CDH4: variants seen among roughly 807,000 people sequenced by gnomAD.
CDH4 encodes the protein cadherin 4, also known as cadherin-4.
In CDH4, 33 loss-of-function variants were observed where a neutral mutation model predicts 86.0. That is an observed-to-expected ratio of 0.38 (90% CI 0.29 to 0.51). CDH4 has a LOEUF of 0.51. CDH4 is among the 20% of genes least tolerant of loss of function. The pLI, the probability that CDH4 is intolerant of heterozygous loss-of-function variation, is 0.86. For synonymous variants in CDH4, 555 were observed against 549.4 expected (o/e 1.01, Z -0.14); for missense variants, 1,114 against 1,307.4 (o/e 0.85, Z 2.28).
At chr20:61,870,405 CGA>C (rs1347909716) in intron 6 of CDH4, among the ~76,000 whole-genome samples, 1 of 152,188 alleles carries the variant, frequency 6.6e-6, no homozygotes, top group Non-Finnish European at 1.5e-5. Context: ...CCATCCAGCC[CGA>C]GAGACCGTCA....
chr20:61,689,848 G>GA (rs34314499), intron 2 of CDH4, among the ~76,000 whole-genome samples: 1 of 142,298 alleles, frequency 7.0e-6, no homozygotes, highest in African/African-American at 2.8e-5. Flanking sequence ...CTGGGACGGT[G>GA]GTTGGTGAGG....
chr20:61,546,186 G>A (rs1407322033), intron 2 of CDH4, among the ~76,000 whole-genome samples: 1 of 131,340 alleles, frequency 7.6e-6, no homozygotes, highest in Non-Finnish European at 1.6e-5. Context: ...GGGGGTATGT[G>A]GGATACGGTA....
chr20:61,755,683 C>A (rs2088556253), intron 3 of CDH4, among the ~76,000 whole-genome samples: 1 of 151,822 alleles, frequency 6.6e-6, no homozygotes, highest in African/African-American at 2.4e-5. Flanking sequence ...ACCATATACA[C>A]CACACACAGT....
At chr20:61,874,501 A>G (rs957829159) in intron 7 of CDH4, among the ~76,000 whole-genome samples, 2 of 151,876 alleles carry the variant, frequency 1.3e-5, no homozygotes, top group Non-Finnish European at 2.9e-5. Context: ...CCTTCATCTC[A>G]AGTGCCCGCC....
chr20:61,317,645 C>A (rs2084483981), intron 2 of CDH4, among the ~76,000 whole-genome samples: 1 of 152,130 alleles, frequency 6.6e-6, no homozygotes, highest in South Asian at 2.1e-4. Context: ...CAGGCTGGCA[C>A]CCACTGGAGG....
intron 3 of CDH4, among the ~76,000 whole-genome samples, chr20:61,770,383 C>T (rs7354358): frequency 1.3e-5 from 2 of 152,222 alleles, no homozygotes; most frequent in Non-Finnish European, 2.9e-5. Flanking sequence ...GTGCAAGGTC[C>T]ATTCTCCACC....
chr20:61,400,167 G>A (rs2085041963), intron 2 of CDH4, among the ~76,000 whole-genome samples: 3 of 152,292 alleles, frequency 2.0e-5, no homozygotes, highest in African/African-American at 7.2e-5. Context: ...GAGGCCCCCA[G>A]GTCTTCGGGG....
intron 2 of CDH4, among the ~76,000 whole-genome samples, chr20:61,434,212 G>A (rs2085267260): frequency 6.6e-6 from 1 of 152,192 alleles, no homozygotes; most frequent in Non-Finnish European, 1.5e-5. Flanking sequence ...CAGTGGAGGG[G>A]CTGGCCTGCA....
At chr20:61,668,596 C>A (rs1475113863) in intron 2 of CDH4, among the ~76,000 whole-genome samples, 2 of 152,208 alleles carry the variant, frequency 1.3e-5, no homozygotes, top group African/African-American at 2.4e-5. Context: ...GCAACTCCTC[C>A]TGTGTACATT....
intron 2 of CDH4, among the ~76,000 whole-genome samples, chr20:61,464,597 A>T (rs866597240): frequency 6.6e-6 from 1 of 152,224 alleles, no homozygotes; most frequent in African/African-American, 2.4e-5. Context: ...TGATTTGGGC[A>T]ATTTTGGACA....
intron 4 of CDH4, among the ~76,000 whole-genome samples, chr20:61,806,178 T>C (rs1430377604): frequency 1.3e-5 from 2 of 152,240 alleles, no homozygotes; most frequent in Non-Finnish European, 1.5e-5. Context: ...GGCAGTGACC[T>C]CTTAGTAGCC....
At chr20:61,881,637 G>A (rs903105076) in intron 7 of CDH4, among the ~76,000 whole-genome samples, 10 of 152,222 alleles carry the variant, frequency 6.6e-5, no homozygotes, top group African/African-American at 2.4e-4. Flanking sequence ...TCTGAGAAGG[G>A]CCAGCGCCAG....
intron 3 of CDH4, among the ~76,000 whole-genome samples, chr20:61,762,325 G>C (rs1033153770): frequency 6.6e-6 from 1 of 152,224 alleles, no homozygotes; most frequent in East Asian, 1.9e-4. Flanking sequence ...ATGTAAAAAA[G>C]TTCTGCTCTC....
chr20:61,600,001 T>C (rs2086587086), intron 2 of CDH4: 1 of 959,394 alleles, frequency 1.0e-6, no homozygotes. Flanking sequence ...TACCCCGTGC[T>C]AATGATGGGG....
chr20:61,420,783 C>G (rs972979450), intron 2 of CDH4, among the ~76,000 whole-genome samples: 1 of 152,236 alleles, frequency 6.6e-6, no homozygotes, highest in African/African-American at 2.4e-5. Flanking sequence ...ACCCAGGTGC[C>G]CATGCACAGA....
At chr20:61,397,034 C>T (rs553773520) in intron 2 of CDH4, among the ~76,000 whole-genome samples, 1 of 152,182 alleles carries the variant, frequency 6.6e-6, no homozygotes, top group Non-Finnish European at 1.5e-5. Flanking sequence ...CCTCAGCCCC[C>T]GCAAGTAGCT....
chr20:61,433,288 T>G (rs2085259014), intron 2 of CDH4, among the ~76,000 whole-genome samples: 1 of 152,192 alleles, frequency 6.6e-6, no homozygotes, highest in South Asian at 2.1e-4. Flanking sequence ...TCGGCGGTTT[T>G]GTCGGGTATC....
At chr20:61,875,728 A>T (rs1376179436) in intron 7 of CDH4, among the ~76,000 whole-genome samples, 9 of 152,214 alleles carry the variant, frequency 5.9e-5, no homozygotes, top group Non-Finnish European at 1.3e-4. Context: ...CGCTCCGCTC[A>T]GACAAGGCTT....
At chr20:61,557,447 A>G (rs1003594580) in intron 2 of CDH4, among the ~76,000 whole-genome samples, 1 of 152,244 alleles carries the variant, frequency 6.6e-6, no homozygotes, top group Non-Finnish European at 1.5e-5. Context: ...AAGATCATGC[A>G]AAAGCCAATT....
Sources: allele counts gnomAD v4.1 joint callset (sites outside exome capture counted in the v4.1 genomes callset), GRCh38; gene constraint gnomAD v4.1.1; transcripts MANE v1.5; gene names NCBI Gene and HGNC (gene_info 2026-07-23, HGNC 2026-07-21).